The following DOCK2 variants were observed in gnomAD, a reference collection of about 807,000 sequenced individuals.
DOCK2 encodes the protein dedicator of cytokinesis protein 2.
DOCK2 carries 87 observed loss-of-function variants against 248.9 expected under a neutral mutation model. That is an observed-to-expected ratio of 0.35 (90% CI 0.29 to 0.42). DOCK2 has a LOEUF of 0.42. DOCK2 is among the 10% of genes least tolerant of loss of function. DOCK2 has a pLI of 1.00. For synonymous variants in DOCK2, 805 were observed against 821.6 expected, an observed-to-expected ratio of 0.98 and a Z score of 0.35; for missense variants, 1,747 against 2,300.2, an observed-to-expected ratio of 0.76 and a Z score of 4.92.
At chr5:169,730,605 A>G (rs1437616678) in intron 22 of DOCK2, among the ~76,000 whole-genome samples, 1 of 152,180 alleles carries the variant, frequency 6.6e-6, no homozygotes, top group Non-Finnish European at 1.5e-5. Context: ...AACCTCTACA[A>G]GTCTCTTTAG....
Position 170,050,356 on chromosome 5 carries a change from C to T in DOCK2, c.4172C>T (p.Thr1391Ile). ...QFPNAEKMNT[T>I]SAPGDDVKNA... Reference sequence around the variant, plus strand: ...CCCAATGCAGAGAAGATGAACACCACCTCTGCCCCGGGAGATGATGTGAAG... The same window carrying T: ...CCCAATGCAGAGAAGATGAACACCATCTCTGCCCCGGGAGATGATGTGAAG... Residue 1391 changes from threonine (T) to isoleucine (I), a missense_variant, in exon 41 of 52, where the codon ACC (threonine) becomes ATC (isoleucine). This residue lies in a region of DOCK2 where 513 missense variants were observed against 586.1 expected (regional missense o/e 0.88). Transcript: ENST00000520908. 1 of 1,614,190 alleles carries T rather than the reference C, an allele frequency of 6.2e-7. No individual in the cohort carries two copies. The highest frequency in any genetic ancestry group is 8.5e-7 in the Non-Finnish European group (1 of 1,180,026).
chr5:169,652,736 G>A (rs976628896), intron 1 of DOCK2, among the ~76,000 whole-genome samples: 3 of 152,192 alleles, frequency 2.0e-5, no homozygotes, highest in African/African-American at 7.2e-5. Flanking sequence ...AAGGAGGAAG[G>A]AGGGAAGAGA....
chr5:169,918,818 CAGG>C (rs1775020393), intron 27 of DOCK2, among the ~76,000 whole-genome samples: 1 of 152,146 alleles, frequency 6.6e-6, no homozygotes, highest in African/African-American at 2.4e-5. Context: ...GAGGCTGAGG[CAGG>C]AGGATTGCTT....
At chr5:170,041,593 C>T (rs1756520380) in intron 37 of DOCK2, among the ~76,000 whole-genome samples, 1 of 152,178 alleles carries the variant, frequency 6.6e-6, no homozygotes. Flanking sequence ...AAGTGCAACT[C>T]AACAAAAACC....
rs377048845 is a variant in DOCK2 at position 169,778,102 on chromosome 5, C to T, written c.2554+16477C>T. Among the ~76,000 whole-genome samples the T allele has an allele frequency of 2.8e-4, 42 of 152,338 alleles. No homozygotes were observed. The East Asian group carries it at 7.9e-3, about 29-fold the overall frequency. ...CAGCACTCAGCACCTTCCACTGCCA[C>T]AAGTGCTCCTGGATGGTGGGAACCT... On this transcript the variant is annotated intron_variant, in intron 25 of 51. Transcript: ENST00000520908.
chr5:169,663,191 C>T (rs1758539286), intron 2 of DOCK2, among the ~76,000 whole-genome samples: 1 of 152,224 alleles, frequency 6.6e-6, no homozygotes, highest in South Asian at 2.1e-4. Flanking sequence ...TCCTTTGATT[C>T]CATGTCTCAC....
At chr5:170,050,060 A>C (rs531459988) in intron 40 of DOCK2, among the ~76,000 whole-genome samples, 196 bp from the exon 41 acceptor site, 3 of 152,202 alleles carry the variant, frequency 2.0e-5, no homozygotes, top group Non-Finnish European at 4.4e-5. Context: ...CTCTAGACCC[A>C]GACCCTTTAA....
At chr5:170,023,563 T>A (rs1196265574) in intron 33 of DOCK2, among the ~76,000 whole-genome samples, 1 of 152,192 alleles carries the variant, frequency 6.6e-6, no homozygotes, top group East Asian at 1.9e-4. Context: ...GGTATCCAAC[T>A]GCCATTAGAG....
chr5:169,695,854 A>G lies in DOCK2; in HGVS notation c.895A>G (p.Ile299Val). 1 of 1,614,040 alleles carries G rather than the reference A, an allele frequency of 6.2e-7. No individual in the cohort carries two copies. Reference sequence around the variant, plus strand: ...GGATAAAATTTACTTGATTTGTCAAATAGTCCGGGTCGGCAAGATGGATCT... The same window carrying G: ...GGATAAAATTTACTTGATTTGTCAAGTAGTCCGGGTCGGCAAGATGGATCT... ...NRDKIYLICQ[I>V]VRVGKMDLKD... Residue 299 changes from isoleucine (I) to valine (V), a missense_variant, in exon 10 of 52, where the codon ATA becomes GTA. By Grantham distance (29) the Ile-to-Val change is conservative (BLOSUM62 3). Coordinates refer to ENST00000520908, the MANE Select transcript of DOCK2 (RefSeq NM_004946.3).
At chr5:170,077,623 T>G (rs1581579128) in intron 47 of DOCK2, 87 bp from the exon 48 acceptor site, 1 of 1,571,970 alleles carries the variant, frequency 6.4e-7, no homozygotes, top group East Asian at 2.3e-5. Context: ...AACTCTGCCC[T>G]GCCTAGGTGG....
intron 22 of DOCK2, among the ~76,000 whole-genome samples, chr5:169,744,581 A>G (rs1009514577): frequency 1.3e-5 from 2 of 150,976 alleles, no homozygotes; most frequent in African/African-American, 4.9e-5. Context: ...AGTTTATTTT[A>G]AAGATATTTG....
intron 26 of DOCK2, among the ~76,000 whole-genome samples, chr5:169,806,981 C>A (rs1361114313): frequency 1.3e-5 from 2 of 151,868 alleles, no homozygotes; most frequent in Non-Finnish European, 2.9e-5. Context: ...CACAAGAGAT[C>A]CGGAACCGCT....
chr5:169,981,339 T>C (rs1394422729), intron 27 of DOCK2, among the ~76,000 whole-genome samples: 3 of 152,210 alleles, frequency 2.0e-5, no homozygotes, highest in Admixed American at 6.5e-5. Flanking sequence ...CGTGTATATA[T>C]ACATACAGGC....
intron 29 of DOCK2, among the ~76,000 whole-genome samples, chr5:169,993,701 CG>C (rs1561871338): frequency 6.6e-6 from 1 of 152,140 alleles, no homozygotes; most frequent in Non-Finnish European, 1.5e-5. Context: ...CTCCACCCAC[CG>C]ACTCTTGGAC....
intron 22 of DOCK2, among the ~76,000 whole-genome samples, chr5:169,743,579 T>A (rs915054831): frequency 6.6e-6 from 1 of 152,242 alleles, no homozygotes; most frequent in Non-Finnish European, 1.5e-5. Context: ...AAATAACCAT[T>A]TGAATGAGCA....
chr5:169,966,219 A>G (rs1404284010), intron 27 of DOCK2, among the ~76,000 whole-genome samples: 1 of 152,196 alleles, frequency 6.6e-6, no homozygotes, highest in Non-Finnish European at 1.5e-5. Context: ...TAATCATAAC[A>G]TAATGTACAT....
In DOCK2 at chr5:170,045,609, T is replaced by A. The variant is rs79450666; in HGVS notation, c.3877-207T>A. ...TTAGCCTCATCTGTGCCTACTCAATTGTTTATCAAGAAACTCCGGTGAGAG... is the reference window on the plus strand; with the variant it reads ...TTAGCCTCATCTGTGCCTACTCAATAGTTTATCAAGAAACTCCGGTGAGAG... On this transcript the variant is annotated intron_variant, in intron 38 of 51. Transcript: ENST00000520908. Among the ~76,000 whole-genome samples, 513 of 152,296 alleles carry A rather than the reference T, an allele frequency of 3.4e-3. 2 individuals carry two copies. Among genetic ancestry groups the A allele is most frequent in the African/African-American group, 0.012 (486 of 41,550 alleles).
rs1770019406 is a variant in DOCK2 at position 169,842,183 on chromosome 5, A to T, written c.2799+1331A>T. Among the ~76,000 whole-genome samples, 3 of 152,202 alleles carry T rather than the reference A, an allele frequency of 2.0e-5. No individual in the cohort carries two copies. The South Asian group carries it at 6.2e-4, about 31-fold the overall frequency. On this transcript the variant is annotated intron_variant, in intron 27 of 51. Transcript: ENST00000520908. ...CACTTTGTGACTCCCAAACAGCTGGATTCCCTTCAGAAAGCCACCCTGACA... is the reference window on the plus strand; with the variant it reads ...CACTTTGTGACTCCCAAACAGCTGGTTTCCCTTCAGAAAGCCACCCTGACA...
chr5:169,967,509 A>G (rs1777346713), intron 27 of DOCK2, among the ~76,000 whole-genome samples: 1 of 152,166 alleles, frequency 6.6e-6, no homozygotes, highest in Non-Finnish European at 1.5e-5. Context: ...GAGTAGGAAG[A>G]GTGGAAGAAA....
Sources: allele counts gnomAD v4.1 joint callset (sites outside exome capture counted in the v4.1 genomes callset), GRCh38; gene constraint gnomAD v4.1.1; regional missense constraint gnomAD v4.1.1; transcripts MANE v1.5; gene names NCBI Gene and HGNC (gene_info 2026-07-23, HGNC 2026-07-21).